Variants in BBS9 observed in about 807,000 individuals in gnomAD.
BBS9 encodes the protein protein PTHB1.
BBS9 carries 89 observed loss-of-function variants against 117.7 expected under a neutral mutation model. The ratio of observed to expected loss-of-function variants is 0.76; its 90% confidence interval spans 0.64 to 0.90. The LOEUF is 0.90. BBS9 is among the 40% of genes least tolerant of loss of function. The pLI is 0.00. For missense variants in BBS9, 982 were observed against 1,042.2 expected, an observed-to-expected ratio of 0.94 and a Z score of 0.80; for synonymous variants, 379 against 370.9, an observed-to-expected ratio of 1.02 and a Z score of -0.25.
chr7:33,527,519 G>C (rs921087298), intron 20 of BBS9, among the ~76,000 whole-genome samples: 2 of 152,178 alleles, frequency 1.3e-5, no homozygotes. Context: ...TTCCAGGTGC[G>C]TCCGTCACCC....
intron 7 of BBS9, among the ~76,000 whole-genome samples, chr7:33,270,080 A>C (rs1799538772): frequency 6.6e-6 from 1 of 152,014 alleles, no homozygotes; most frequent in African/African-American, 2.4e-5. Context: ...AGTGAGAAAG[A>C]GCCTACTTAC....
chr7:33,457,846 C>A (rs1298302511), intron 19 of BBS9, among the ~76,000 whole-genome samples: 1 of 152,140 alleles, frequency 6.6e-6, no homozygotes, highest in Non-Finnish European at 1.5e-5. Flanking sequence ...TTAGTCAATG[C>A]TCTTAAAGTG....
intron 5 of BBS9, among the ~76,000 whole-genome samples, chr7:33,237,049 T>G (rs1034900298): frequency 6.6e-6 from 1 of 152,136 alleles, no homozygotes; most frequent in Non-Finnish European, 1.5e-5. Flanking sequence ...TATTTGTAAT[T>G]CTTTATATAT....
chr7:33,407,586 T>G (rs1019900884), intron 19 of BBS9, among the ~76,000 whole-genome samples: 8 of 149,472 alleles, frequency 5.4e-5, no homozygotes, highest in African/African-American at 1.9e-4. Context: ...TGGTCTTTGA[T>G]GATGGTGATG....
intron 5 of BBS9, among the ~76,000 whole-genome samples, chr7:33,225,975 G>C (rs1791189233): frequency 6.6e-6 from 1 of 152,102 alleles, no homozygotes; most frequent in Non-Finnish European, 1.5e-5. Context: ...ATATATATTT[G>C]CTGGAAGATG....
intron 5 of BBS9, among the ~76,000 whole-genome samples, chr7:33,205,703 G>C (rs1031223562): frequency 1.3e-5 from 2 of 152,102 alleles, no homozygotes; most frequent in African/African-American, 4.8e-5. Flanking sequence ...TGAGCCACTA[G>C]TGCTCATTAA....
At chr7:33,583,096 C>G (rs1860270435) in intron 21 of BBS9, among the ~76,000 whole-genome samples, 1 of 152,120 alleles carries the variant, frequency 6.6e-6, no homozygotes, top group African/African-American at 2.4e-5. Context: ...CTAACCTTAC[C>G]AAGCTCAGAC....
chr7:33,301,053 A>AC (rs1172857680), intron 9 of BBS9, among the ~76,000 whole-genome samples: 11 of 152,040 alleles, frequency 7.2e-5, no homozygotes, highest in Admixed American at 3.9e-4. Flanking sequence ...TATAATTATT[A>AC]CTTCTTTGAA....
At chr7:33,171,943 G>A (rs572619019) in intron 4 of BBS9, among the ~76,000 whole-genome samples, 61 of 152,164 alleles carry the variant, frequency 4.0e-4, no homozygotes, top group Non-Finnish European at 4.1e-4. Context: ...AGGTGCAATG[G>A]TCAGGATAGA....
At chr7:33,305,009 G>GT (rs1393212409) in intron 9 of BBS9, among the ~76,000 whole-genome samples, 1 of 151,872 alleles carries the variant, frequency 6.6e-6, no homozygotes, top group Non-Finnish European at 1.5e-5. Context: ...AAGGCCGCAG[G>GT]GAACTCTGCC....
intron 19 of BBS9, among the ~76,000 whole-genome samples, chr7:33,494,096 C>A (rs1321299936): frequency 6.6e-6 from 1 of 152,124 alleles, no homozygotes. Context: ...GTTTTGAGCA[C>A]AATCTCACTG....
chr7:33,472,719 G>A (rs949274305), intron 19 of BBS9, among the ~76,000 whole-genome samples: 5 of 152,186 alleles, frequency 3.3e-5, no homozygotes, highest in Non-Finnish European at 5.9e-5. Context: ...GGGCCAAATG[G>A]CTTCTTTTTA....
chr7:33,363,562 ATTGT>A (rs1821041155), intron 16 of BBS9, among the ~76,000 whole-genome samples: 1 of 152,024 alleles, frequency 6.6e-6, no homozygotes, highest in African/African-American at 2.4e-5. Flanking sequence ...TTCCAACTGG[ATTGT>A]TTGTTTTTGC....
rs530881168 is a variant in BBS9 at position 33,160,478 on chromosome 7, A to T, written c.328+4776A>T. Among the ~76,000 whole-genome samples, 5 of 152,334 alleles carry T rather than the reference A, an allele frequency of 3.3e-5. No homozygotes were observed. The South Asian group carries it at 1.0e-3, about 32-fold the overall frequency. ...TCACAAATTAAAGTATACTCTATGA[A>T]TACACACAATAGACCCTCTTTTCAC... is the stretch of plus-strand genomic sequence containing the variant. On this transcript the variant is annotated intron_variant, in intron 4 of 22. Transcript: ENST00000242067.
intron 21 of BBS9, among the ~76,000 whole-genome samples, chr7:33,590,459 G>GTTTTTTTGTTTTTTTT (rs1554551689): frequency 4.5e-4 from 46 of 101,480 alleles, no homozygotes; most frequent in South Asian, 1.7e-3. Flanking sequence ...TTGTTTTTTT[G>GTTTTTTTGTTTTTTTT]TTTTTTTTTT....
Position 33,443,023 on chromosome 7 carries a change from C to T in BBS9, c.2115+54879C>T, listed in dbSNP as rs140951028. 2.3e-3 allele frequency among the ~76,000 whole-genome samples: 347 copies of T among 152,240 alleles called. 1 individual carries two copies. The highest frequency in any genetic ancestry group is 3.7e-3 in the Non-Finnish European group (254 of 68,014). On this transcript the variant is annotated intron_variant, in intron 19 of 22. Coordinates refer to ENST00000242067, the MANE Select transcript of BBS9 (RefSeq NM_198428.3). ...GGTTTTTATGACTGGCTTATGGAATCGGTCTCATTATTGTACTGTCACACC... is the reference window on the plus strand; with the variant it reads ...GGTTTTTATGACTGGCTTATGGAATTGGTCTCATTATTGTACTGTCACACC...
At chr7:33,330,255 T>C (rs961337597) in intron 9 of BBS9, among the ~76,000 whole-genome samples, 5 of 152,162 alleles carry the variant, frequency 3.3e-5, no homozygotes, top group African/African-American at 1.2e-4. Flanking sequence ...GCTCAGGCAA[T>C]CTGCCCACCT....
intron 21 of BBS9, among the ~76,000 whole-genome samples, chr7:33,585,803 A>G (rs1860787618): frequency 6.6e-6 from 1 of 151,952 alleles, no homozygotes; most frequent in Non-Finnish European, 1.5e-5. Context: ...CCTGCCTTGT[A>G]CATTCGTACC....
intron 5 of BBS9, among the ~76,000 whole-genome samples, chr7:33,183,630 G>C (rs1361377345): frequency 1.3e-5 from 2 of 152,178 alleles, no homozygotes; most frequent in African/African-American, 4.8e-5. Flanking sequence ...CCCAGAAAGA[G>C]CCTAGAGCAG....
Sources: gnomAD v4.1 joint callset for allele counts (sites outside exome capture counted in the v4.1 genomes callset) on GRCh38, gnomAD v4.1.1 for gene constraint, MANE v1.5 for transcripts, NCBI Gene and HGNC (gene_info 2026-07-23, HGNC 2026-07-21) for gene names.